The following CDH12 variants were observed in gnomAD, a reference collection of about 807,000 sequenced individuals.
CDH12 encodes the protein cadherin 12.
In CDH12, 41 loss-of-function variants were observed where a neutral mutation model predicts 74.1. The observed-to-expected ratio is 0.55, with a 90% CI of 0.43 to 0.72. The LOEUF (loss-of-function observed/expected upper bound fraction) is 0.72, where lower values mean the gene tolerates loss of function less well. Ranked by LOEUF, CDH12 falls within the 30% of genes least tolerant of loss-of-function variation. The pLI, the probability that CDH12 is intolerant of heterozygous loss-of-function variation, is 0.00. For synonymous variants in CDH12, 399 were observed against 355.0 expected (o/e 1.12, Z -1.39); for missense variants, 945 against 977.2 (o/e 0.97, Z 0.44).
intron 3 of CDH12, among the ~76,000 whole-genome samples, chr5:22,382,662 T>C (rs1258447406): frequency 2.6e-5 from 4 of 152,194 alleles, no homozygotes; most frequent in African/African-American, 9.6e-5. Context: ...TGAAGGCCAG[T>C]ATGTGCATAT....
At chr5:22,826,276 T>C (rs1350117668) in intron 1 of CDH12, among the ~76,000 whole-genome samples, 1 of 152,168 alleles carries the variant, frequency 6.6e-6, no homozygotes, top group Non-Finnish European at 1.5e-5. Context: ...CTGCCATTCA[T>C]GTAAGATGTG....
intron 1 of CDH12, among the ~76,000 whole-genome samples, chr5:22,769,560 A>G (rs754864986): frequency 2.0e-4 from 30 of 151,920 alleles, no homozygotes; most frequent in Non-Finnish European, 3.8e-4. Flanking sequence ...CTATCGTGGG[A>G]CTTCGCCCTG....
chr5:22,517,119 A>C (rs1456338990), intron 1 of CDH12, among the ~76,000 whole-genome samples: 2 of 152,054 alleles, frequency 1.3e-5, no homozygotes, highest in Non-Finnish European at 2.9e-5. Flanking sequence ...ATTAGATCTA[A>C]ACACAGACCA....
At chr5:22,197,835 T>C (rs918296541) in intron 4 of CDH12, among the ~76,000 whole-genome samples, 1 of 152,218 alleles carries the variant, frequency 6.6e-6, no homozygotes, top group African/African-American at 2.4e-5. Flanking sequence ...TGAATTTTTC[T>C]AATTTATAAA....
intron 6 of CDH12, among the ~76,000 whole-genome samples, chr5:21,898,716 T>G (rs1336031636): frequency 6.6e-6 from 1 of 151,370 alleles, no homozygotes. Context: ...AATAAGTAAA[T>G]AAATATATAA....
At chr5:21,861,449 G>A (rs144366354) in intron 6 of CDH12, among the ~76,000 whole-genome samples, 74 of 152,120 alleles carry the variant, frequency 4.9e-4, no homozygotes, top group African/African-American at 1.7e-3. Flanking sequence ...AACAAAGTGA[G>A]TAGTACTTTA....
At chr5:22,623,548 TGAACTCCCA>T (rs1561535202) in intron 1 of CDH12, among the ~76,000 whole-genome samples, 1 of 152,026 alleles carries the variant, frequency 6.6e-6, no homozygotes, top group Non-Finnish European at 1.5e-5. Flanking sequence ...AAATCATGAG[TGAACTCCCA>T]TTCACAATTG....
At chr5:22,806,769 G>A (rs2126435556) in intron 1 of CDH12, among the ~76,000 whole-genome samples, 1 of 152,286 alleles carries the variant, frequency 6.6e-6, no homozygotes, top group South Asian at 2.1e-4. Flanking sequence ...CTGCAAAAAT[G>A]TCTTATTTTG....
chr5:22,144,122 T>C (rs1747002950), intron 4 of CDH12: 1 of 152,198 alleles, frequency 6.6e-6, no homozygotes, highest in Non-Finnish European at 1.5e-5. Flanking sequence ...TTGTGATCTC[T>C]GAAAGTCAGT....
At chr5:22,653,822 G>A (rs1032616343) in intron 1 of CDH12, among the ~76,000 whole-genome samples, 5 of 152,158 alleles carry the variant, frequency 3.3e-5, no homozygotes, top group Non-Finnish European at 7.3e-5. Context: ...ACTTATTGAA[G>A]CTTTTGGCCC....
chr5:22,849,525 G>A (rs776180174), intron 1 of CDH12, among the ~76,000 whole-genome samples: 5 of 152,084 alleles, frequency 3.3e-5, no homozygotes, highest in African/African-American at 1.2e-4. Flanking sequence ...GTTTGACTAT[G>A]TATTTGGACT....
chr5:22,734,316 T>A (rs1744578124), intron 1 of CDH12, among the ~76,000 whole-genome samples: 1 of 151,908 alleles, frequency 6.6e-6, no homozygotes, highest in Non-Finnish European at 1.5e-5. Context: ...TGTTGACATC[T>A]GATTCCCAAC....
intron 4 of CDH12, among the ~76,000 whole-genome samples, chr5:22,110,449 G>A (rs556498439): frequency 1.3e-5 from 2 of 148,822 alleles, no homozygotes; most frequent in East Asian, 4.1e-4. Context: ...GATGTTAGAA[G>A]TTTTTCAAAG....
intron 4 of CDH12, among the ~76,000 whole-genome samples, chr5:22,135,016 T>C (rs1055757277): frequency 9.2e-5 from 14 of 151,972 alleles, no homozygotes; most frequent in African/African-American, 3.4e-4. Flanking sequence ...AATTGCTCAA[T>C]TGAGGAAATC....
In CDH12 at chr5:22,197,179, T is replaced by A. The variant is rs532131534; in HGVS notation, c.-187+15319A>T. Among the ~76,000 whole-genome samples, 85 of 152,250 alleles carry A rather than the reference T, an allele frequency of 5.6e-4. 2 individuals are homozygous for A. Among genetic ancestry groups the A allele is most frequent in the African/African-American group, 1.9e-3 (79 of 41,556 alleles). The stretch of plus-strand genomic sequence containing the variant: ...GGAAAGAATAGCCGGGTGCAGCGGC[T>A]CATGCCTGTAATCCCAGCACTTTGG... On this transcript the variant is annotated intron_variant, in intron 4 of 14. Coordinates refer to ENST00000382254, the MANE Select transcript of CDH12 (RefSeq NM_004061.5).
intron 5 of CDH12, among the ~76,000 whole-genome samples, chr5:22,031,281 C>T (rs1738803233): frequency 6.6e-6 from 1 of 151,884 alleles, no homozygotes; most frequent in Non-Finnish European, 1.5e-5. Flanking sequence ...TTGCAGTGAG[C>T]CAAGATCCTG....
chr5:21,842,240 C>T lies in CDH12; in HGVS notation c.735G>A (p.Gln245=). 2 of 1,613,482 alleles carry T rather than the reference C, an allele frequency of 1.2e-6. No individual in the cohort carries two copies. The part of the protein sequence containing the change: ...VLIQAKDMGG[Q]LGGLAGTTIV... The stretch of plus-strand genomic sequence containing the variant: ...TTGTTGTTCCGGCTAATCCTCCAAG[C>T]TGTCCTCCCATATCCTTGGCTTGGA... Residue 245 remains glutamine, a synonymous_variant, in exon 8 of 15, where the codon CAG becomes CAA. Coordinates refer to ENST00000382254, the MANE Select transcript of CDH12 (RefSeq NM_004061.5).
chr5:21,755,466 T>A, intron 14 of CDH12, 125 bp downstream of exon 14: 1 of 739,564 alleles, frequency 1.4e-6, no homozygotes. Flanking sequence ...TCTAGCTAGG[T>A]ATGACATGTC....
intron 1 of CDH12, among the ~76,000 whole-genome samples, chr5:22,526,193 T>G (rs950536419): frequency 6.6e-6 from 1 of 152,160 alleles, no homozygotes; most frequent in African/African-American, 2.4e-5. Flanking sequence ...AAATAGAGGC[T>G]TTGTTCTGTT....
Sources: allele counts gnomAD v4.1 joint callset (sites outside exome capture counted in the v4.1 genomes callset), GRCh38; gene constraint gnomAD v4.1.1; transcripts MANE v1.5; gene names NCBI Gene and HGNC (gene_info 2026-07-23, HGNC 2026-07-21).